The following BLOC1S5 variants were observed in gnomAD, a reference collection of about 807,000 sequenced individuals.
BLOC1S5 encodes the protein biogenesis of lysosome-related organelles complex 1 subunit 5.
Under a neutral mutation model 24.3 loss-of-function variants are expected in BLOC1S5, and 27 were observed. The ratio of observed to expected loss-of-function variants is 1.11; its 90% confidence interval spans 0.82 to 1.53. The LOEUF (loss-of-function observed/expected upper bound fraction) is 1.53, where lower values mean the gene tolerates loss of function less well. Ranked by LOEUF, BLOC1S5 falls within the 40% of genes most tolerant of loss-of-function variation. BLOC1S5 has a pLI of 0.00. For missense variants in BLOC1S5, 239 were observed against 229.4 expected (o/e 1.04, Z -0.27); for synonymous variants, 84 against 74.5 (o/e 1.13, Z -0.66).
chr6:8,041,607 C>T (rs1217461940), intron 2 of BLOC1S5, among the ~76,000 whole-genome samples: 1 of 147,428 alleles, frequency 6.8e-6, no homozygotes, highest in Non-Finnish European at 1.5e-5. Flanking sequence ...CCACTGCGCC[C>T]GGCCATATTG....
chr6:8,020,648 T>A (rs1232405533), intron 4 of BLOC1S5, among the ~76,000 whole-genome samples: 1 of 152,226 alleles, frequency 6.6e-6, no homozygotes, highest in African/African-American at 2.4e-5. Flanking sequence ...CAGCAGATTG[T>A]ACCCATGTAG....
intron 2 of BLOC1S5, among the ~76,000 whole-genome samples, chr6:8,054,883 T>C (rs1348100124): frequency 7.9e-5 from 12 of 152,226 alleles, no homozygotes; most frequent in African/African-American, 2.2e-4. Flanking sequence ...TGGCTCATTA[T>C]CACACATATT....
At chr6:8,052,985 T>C (rs191859652) in intron 2 of BLOC1S5, among the ~76,000 whole-genome samples, 11 of 152,252 alleles carry the variant, frequency 7.2e-5, no homozygotes, top group Admixed American at 3.9e-4. Flanking sequence ...CTGCTTCTTA[T>C]GGATGAGCAA....
intron 2 of BLOC1S5, among the ~76,000 whole-genome samples, chr6:8,042,581 C>T (rs1763733030): frequency 6.6e-6 from 1 of 152,238 alleles, no homozygotes; most frequent in African/African-American, 2.4e-5. Flanking sequence ...GCTTTGAATG[C>T]AGCCCAACAC....
chr6:8,023,229 G>T (rs2815128), intron 4 of BLOC1S5, among the ~76,000 whole-genome samples: 93,589 of 152,042 alleles, frequency 0.62, 29,516 homozygotes, highest in East Asian at 0.94. Context: ...TGGTAGTTTT[G>T]AAGACATGTC....
intron 2 of BLOC1S5, among the ~76,000 whole-genome samples, chr6:8,053,526 G>A (rs1764204768): frequency 6.6e-6 from 1 of 152,136 alleles, no homozygotes; most frequent in Non-Finnish European, 1.5e-5. Flanking sequence ...TTTAAATTAA[G>A]GTATGTATAT....
intron 3 of BLOC1S5, among the ~76,000 whole-genome samples, chr6:8,028,365 A>T (rs555444179): frequency 2.1e-4 from 15 of 73,022 alleles, no homozygotes; most frequent in East Asian, 2.3e-3. Flanking sequence ...GAAAATATTT[A>T]AAAAAAAAAA....
At chr6:8,042,986 C>T (rs1392062150) in intron 2 of BLOC1S5, among the ~76,000 whole-genome samples, 1 of 152,202 alleles carries the variant, frequency 6.6e-6, no homozygotes, top group Non-Finnish European at 1.5e-5. Flanking sequence ...CTCTTGGAAG[C>T]TTCTACCTGG....
chr6:8,062,695 C>A, intron 1 of BLOC1S5, 79 bp from the exon 2 acceptor site: 1 of 922,214 alleles, frequency 1.1e-6, no homozygotes, highest in East Asian at 2.6e-5. Context: ...TCTCCCTTCC[C>A]CACTAAGAGA....
chr6:8,016,450 C>A (rs1282973763), intron 4 of BLOC1S5, among the ~76,000 whole-genome samples: 1 of 151,808 alleles, frequency 6.6e-6, no homozygotes, highest in African/African-American at 2.4e-5. Flanking sequence ...ATTTTAAAAC[C>A]AATTTTAAAA....
At position 8,038,668 on chromosome 6, in the gene BLOC1S5, T is replaced by C. The variant is rs573413608; in HGVS notation, c.325+2471A>G. Among the ~76,000 whole-genome samples, 26 of 152,252 alleles carry C rather than the reference T, an allele frequency of 1.7e-4. No individual in the cohort carries two copies. In the East Asian group the frequency reaches 5.0e-3, roughly 29 times the overall value. Reference sequence around the variant, plus strand: ...CCTGGCTACTTCTTTGTATTTTTAGTAGAGACAGGGTTTCACTGTGTTAGC... The same window carrying C: ...CCTGGCTACTTCTTTGTATTTTTAGCAGAGACAGGGTTTCACTGTGTTAGC... On this transcript the variant is annotated intron_variant, in intron 3 of 4. Coordinates refer to ENST00000397457, the MANE Select transcript of BLOC1S5 (RefSeq NM_201280.3).
At position 8,047,755 on chromosome 6, in the gene BLOC1S5, T is replaced by G. The variant is rs77285283; in HGVS notation, c.196-6487A>C. 2.2e-3 allele frequency among the ~76,000 whole-genome samples: 329 copies of G among 152,346 alleles called. 3 individuals are homozygous for G. Among genetic ancestry groups the G allele is most frequent in the African/African-American group, 7.6e-3 (317 of 41,578 alleles). On this transcript the variant is annotated intron_variant, in intron 2 of 4. Transcript: ENST00000397457. Reference sequence around the variant, plus strand: ...TTTCCTGTAAATTAGTCGTTAGAACTAAAGCCCTGATCAAATTCAGGGTTC... The same window carrying G: ...TTTCCTGTAAATTAGTCGTTAGAACGAAAGCCCTGATCAAATTCAGGGTTC...
intron 2 of BLOC1S5, among the ~76,000 whole-genome samples, chr6:8,047,177 CACACA>C: frequency 6.7e-6 from 1 of 148,214 alleles, no homozygotes; most frequent in Non-Finnish European, 1.5e-5. Flanking sequence ...CACACACACA[CACACA>C]CACACACACA....
At chr6:8,048,320 A>C (rs1190475242) in intron 2 of BLOC1S5, among the ~76,000 whole-genome samples, 1 of 152,060 alleles carries the variant, frequency 6.6e-6, no homozygotes, top group Non-Finnish European at 1.5e-5. Context: ...CAGGTGTCTA[A>C]CCTCCCACTG....
At chr6:8,056,156 G>A (rs1211187475) in intron 2 of BLOC1S5, among the ~76,000 whole-genome samples, 2 of 152,188 alleles carry the variant, frequency 1.3e-5, no homozygotes, top group East Asian at 1.9e-4. Context: ...CCAGAACTGT[G>A]AGCCAAATAC....
At chr6:8,057,148 G>C (rs1023606317) in intron 2 of BLOC1S5, among the ~76,000 whole-genome samples, 4 of 152,146 alleles carry the variant, frequency 2.6e-5, no homozygotes, top group African/African-American at 7.2e-5. Context: ...GAATCTGGGA[G>C]GGGGAGGTTA....
intron 2 of BLOC1S5, among the ~76,000 whole-genome samples, chr6:8,045,692 C>T (rs942685812): frequency 6.6e-6 from 1 of 152,218 alleles, no homozygotes; most frequent in Admixed American, 6.5e-5. Flanking sequence ...CAAAGGGGAT[C>T]ATTTTGGAGT....
intron 3 of BLOC1S5, among the ~76,000 whole-genome samples, chr6:8,038,475 G>T (rs1318948722): frequency 6.7e-6 from 1 of 149,596 alleles, no homozygotes; most frequent in Non-Finnish European, 1.5e-5. Context: ...TAGTTAAAAT[G>T]GCTTTTAATT....
chr6:8,050,601 C>CTTTT (rs35623258), intron 2 of BLOC1S5, among the ~76,000 whole-genome samples: 5 of 137,806 alleles, frequency 3.6e-5, no homozygotes, highest in Non-Finnish European at 4.7e-5. Flanking sequence ...GGAAAAGAAA[C>CTTTT]TTTTTTTTTT....
Sources: gnomAD v4.1 joint callset for allele counts (sites outside exome capture counted in the v4.1 genomes callset) on GRCh38, gnomAD v4.1.1 for gene constraint, MANE v1.5 for transcripts, NCBI Gene and HGNC (gene_info 2026-07-23, HGNC 2026-07-21) for gene names.